CHRND: variants seen among roughly 807,000 people sequenced by gnomAD.
CHRND encodes cholinergic receptor nicotinic delta subunit.
A neutral mutation model predicts 57.8 loss-of-function variants in CHRND; 40 were observed. The observed-to-expected ratio is 0.69, with a 90% confidence interval of 0.54 to 0.90. The LOEUF (loss-of-function observed/expected upper bound fraction) is 0.90, where lower values mean the gene tolerates loss of function less well. CHRND is among the 40% of genes least tolerant of loss of function. The pLI is 0.00. For synonymous variants in CHRND, 237 were observed against 270.6 expected (o/e 0.88, Z 1.22); for missense variants, 634 against 673.9 (o/e 0.94, Z 0.66).
At position 232,531,672 on chromosome 2, in the gene CHRND, G is replaced by T; in HGVS notation, c.1047+16G>T. 1 of 1,598,208 alleles carries T rather than the reference G, an allele frequency of 6.3e-7. No homozygotes were observed. The highest frequency in any genetic ancestry group is 8.6e-7 in the Non-Finnish European group (1 of 1,168,718). On this transcript the variant is annotated intron_variant, in intron 9 of 11. Coordinates refer to ENST00000258385, the MANE Select transcript of CHRND (RefSeq NM_000751.3). ...GGTCAAGAAGGTGAGTACTTGGCCC[G>T]GCGCAAAAGCTCACCACTGTAATCC... is the stretch of plus-strand genomic sequence containing the variant.
chr2:232,534,421 G>A, intron 11 of CHRND, 79 bp downstream of exon 11: 2 of 1,409,312 alleles, frequency 1.4e-6, no homozygotes, highest in Non-Finnish European at 2.0e-6. Context: ...AGAGGGCAGG[G>A]TTCCCCTTAG....
chr2:232,527,767 A>G (rs1691536946), intron 3 of CHRND, among the ~76,000 whole-genome samples: 1 of 152,210 alleles, frequency 6.6e-6, no homozygotes, highest in African/African-American at 2.4e-5. Flanking sequence ...TGCCCCGCCC[A>G]GAGCCGGTGG....
At chr2:232,526,901 C>T (rs1691493276) in intron 2 of CHRND, among the ~76,000 whole-genome samples, 1 of 152,226 alleles carries the variant, frequency 6.6e-6, no homozygotes, top group Non-Finnish European at 1.5e-5. Context: ...CTGTGACACA[C>T]TTCAGAGGCC....
chr2:232,534,154 T>C lies in CHRND; in HGVS notation c.1252+19T>C, dbSNP rs1691808084. ...ACTGCACGTGGGTCCCCGCTGGTCT[T>C]GGTTTTCAGCCCATCTGTGGGAGGT... On this transcript the variant is annotated intron_variant, in intron 10 of 11. Transcript: ENST00000258385. 1 of 1,614,104 alleles carries C rather than the reference T, an allele frequency of 6.2e-7. No individual in the cohort carries two copies. Among genetic ancestry groups the C allele is most frequent in the Non-Finnish European group, 8.5e-7 (1 of 1,180,026 alleles).
In CHRND at chr2:232,531,372, G is replaced by A. The variant is rs1691689717; in HGVS notation, c.841G>A (p.Ala281Thr). 1 of 1,613,692 alleles carries A rather than the reference G, an allele frequency of 6.2e-7. No homozygotes were observed. The highest frequency in any genetic ancestry group is 8.5e-7 in the Non-Finnish European group (1 of 1,179,862). Residue 281 changes from alanine to threonine, a missense_variant, in exon 8 of 12, where the codon GCC becomes ACC. By Grantham distance (58) the Ala-to-Thr change is moderately conservative (BLOSUM62 0). Transcript: ENST00000258385. ...PADSGEKTSV[A>T]ISVLLAQSVF... ...CCCAGGTGGTGAGAAGACATCAGTGGCCATCTCGGTGCTCCTGGCTCAGTC... is the reference window on the plus strand; with the variant it reads ...CCCAGGTGGTGAGAAGACATCAGTGACCATCTCGGTGCTCCTGGCTCAGTC...
intron 11 of CHRND, 128 bp downstream of exon 11, chr2:232,534,470 C>A: frequency 1.0e-6 from 1 of 974,400 alleles, no homozygotes; most frequent in Non-Finnish European, 1.6e-6. Context: ...TAATGTGACA[C>A]AGATTCCAGG....
Position 232,530,030 on chromosome 2 carries a change from C to T in CHRND, c.711C>T (p.Thr237=), listed in dbSNP as rs752356816. ...ACAGCCCCAGCCGCCAGGACATCAC[C>T]TTCTACCTCATCATCCGCCGCAAGC... is the stretch of plus-strand genomic sequence containing the variant. ...PLDSPSRQDI[T]FYLIIRRKPL... is the part of the protein sequence containing the mutation. Residue 237 remains threonine (T), a synonymous_variant, in exon 7 of 12, where the codon ACC becomes ACT. Transcript: ENST00000258385. The T allele has an allele frequency of 2.7e-5, 43 of 1,614,152 alleles. No individual in the cohort carries two copies. In the African/African-American group the frequency reaches 5.3e-4, roughly 20 times the overall value.
chr2:232,533,810 G>A (rs1380754628), intron 9 of CHRND, 121 bp from the exon 10 acceptor site: 5 of 977,930 alleles, frequency 5.1e-6, no homozygotes, highest in Admixed American at 3.4e-5. Flanking sequence ...CCGAGAGGTG[G>A]AGGTTGCAGT....
rs753490642 is a variant in CHRND at position 232,528,987 on chromosome 2, G to T, written c.619+16G>T. The T allele has an allele frequency of 6.3e-6, 10 of 1,596,254 alleles. No individual in the cohort carries two copies. In the Admixed American group the frequency reaches 1.7e-4, roughly 27 times the overall value. The stretch of plus-strand genomic sequence containing the variant: ...GGCTTCACAGGTGCTGGGAACAGCC[G>T]CCAGTGGGTGGGCAGGTCCCTCAGA... On this transcript the variant is annotated intron_variant, in intron 6 of 11. Coordinates refer to ENST00000258385, the MANE Select transcript of CHRND (RefSeq NM_000751.3).
chr2:232,528,364 G>C lies in CHRND; in HGVS notation c.346G>C (p.Glu116Gln). 6.2e-7 allele frequency: 1 copy of C among 1,614,060 alleles called. No homozygotes were observed. The highest frequency in any genetic ancestry group is 8.5e-7 in the Non-Finnish European group (1 of 1,180,002). Residue 116 changes from glutamate to glutamine, a missense_variant, in exon 4 of 12, where the codon GAG becomes CAG. Coordinates refer to ENST00000258385, the MANE Select transcript of CHRND (RefSeq NM_000751.3). ...DMVWLPEIVL[E>Q]NNNDGSFQIS... Reference sequence around the variant, plus strand: ...GGTGTGGCTCCCAGAGATTGTGCTGGAGAACAAGTTGAGCCAAGCCCTCCC... The same window carrying C: ...GGTGTGGCTCCCAGAGATTGTGCTGCAGAACAAGTTGAGCCAAGCCCTCCC...
chr2:232,531,081 AAC>A (rs1691673167), intron 7 of CHRND, among the ~76,000 whole-genome samples: 1 of 152,160 alleles, frequency 6.6e-6, no homozygotes. Flanking sequence ...ATGCGTGTTA[AAC>A]ACACTCTGTC....
In CHRND at chr2:232,536,285, C is replaced by A; in HGVS notation, c.*973C>A. On this transcript the variant is annotated 3_prime_UTR_variant, in exon 12 of 12. Coordinates refer to ENST00000258385, the MANE Select transcript of CHRND (RefSeq NM_000751.3). ...TCTGTACCAGGGTGGGTCTGGGTAA[C>A]CAATAGAATGAGGCAGAAGTGATGG... 1 of 454,114 alleles carries A rather than the reference C, an allele frequency of 2.2e-6. No individual in the cohort carries two copies. 28.1% of individuals were successfully genotyped at this position (454,114 alleles called of 1,614,324 possible). A position where few individuals can be genotyped will look rare whatever the true frequency, so the allele number is the denominator to read the frequency against.
Position 232,535,263 on chromosome 2 carries a change from T to G in CHRND, c.1505T>G (p.Phe502Cys). Residue 502 changes from phenylalanine (F) to cysteine (C), a missense_variant, in exon 12 of 12, where the codon TTT becomes TGT. By Grantham distance (205) the Phe-to-Cys change is radical. Transcript: ENST00000258385. ...GVYNQPPPQP[F>C]PGDPYSYNVQ... Reference sequence around the variant, plus strand: ...TACAACCAGCCACCACCCCAGCCTTTTCCTGGGGACCCCTACTCCTACAAC... The same window carrying G: ...TACAACCAGCCACCACCCCAGCCTTGTCCTGGGGACCCCTACTCCTACAAC... 6.2e-7 allele frequency: 1 copy of G among 1,614,144 alleles called. No individual in the cohort carries two copies. Among genetic ancestry groups the G allele is most frequent in the East Asian group, 2.2e-5 (1 of 44,888 alleles).
chr2:232,529,803 C>A lies in CHRND; in HGVS notation c.620-136C>A, dbSNP rs1053010994. 17 of 830,554 alleles carry A rather than the reference C, an allele frequency of 2.0e-5. No individual in the cohort carries two copies. In the African/African-American group the frequency reaches 2.9e-4, roughly 14 times the overall value. 51.4% of individuals were successfully genotyped at this position (830,554 alleles called of 1,614,324 possible). A position where few individuals can be genotyped will look rare whatever the true frequency, so the allele number is the denominator to read the frequency against. ...TCCCGACCCCCCAGGGAACGACACC[C>A]ACCAACGGGACCCCGTAGACAGCCC... On this transcript the variant is annotated intron_variant, in intron 6 of 11. Coordinates refer to ENST00000258385, the MANE Select transcript of CHRND (RefSeq NM_000751.3).
intron 11 of CHRND, 57 bp from the exon 12 acceptor site, chr2:232,535,073 G>C: frequency 6.3e-7 from 1 of 1,598,020 alleles, no homozygotes. Flanking sequence ...CAGCTTGGGG[G>C]TGGGGCTTTG....
At position 232,528,844 on chromosome 2, in the gene CHRND, G is replaced by A. The variant is rs1044696063; in HGVS notation, c.510-18G>A. ...AGCCACTGGCCGAGTGTCACTCTCT[G>A]CCCATTGCCCTCCCCAGTTCCCTCA... is the stretch of plus-strand genomic sequence containing the variant. On this transcript the variant is annotated intron_variant, in intron 5 of 11. Coordinates refer to ENST00000258385, the MANE Select transcript of CHRND (RefSeq NM_000751.3). 1 of 1,606,272 alleles carries A rather than the reference G, an allele frequency of 6.2e-7. No individual in the cohort carries two copies. The highest frequency in any genetic ancestry group is 8.5e-7 in the Non-Finnish European group (1 of 1,173,060).
In CHRND at chr2:232,531,002, G is replaced by A. The variant is rs548007102; in HGVS notation, c.821-350G>A. Among the ~76,000 whole-genome samples, 41 of 152,310 alleles carry A rather than the reference G, an allele frequency of 2.7e-4. No individual in the cohort carries two copies. The South Asian group carries it at 6.4e-3, about 24-fold the overall frequency. ...ACGCACGCAGGTCTGTGCTCCAGGA[G>A]GGTTCAGTGGCGTGGGTGGGTTGTG... On this transcript the variant is annotated intron_variant, in intron 7 of 11. Transcript: ENST00000258385.
Position 232,528,277 on chromosome 2 carries a change from C to A in CHRND, c.259C>A (p.Arg87=). The change falls in exon 4 of 12, where the codon CGG becomes AGG. Residue 87 remains arginine, a synonymous_variant. Coordinates refer to ENST00000258385, the MANE Select transcript of CHRND (RefSeq NM_000751.3). ...GGGATTCCAGGGCTGGACAGACAAC[C>A]GGCTGAAGTGGAATGCTGAAGAATT... The part of the protein sequence containing the change: ...VWIEHGWTDN[R]LKWNAEEFGN... 6.2e-7 allele frequency: 1 copy of A among 1,614,164 alleles called. No individual in the cohort carries two copies. Among genetic ancestry groups the A allele is most frequent in the Non-Finnish European group, 8.5e-7 (1 of 1,180,032 alleles).
intron 2 of CHRND, 73 bp from the exon 3 acceptor site, chr2:232,527,328 G>GAGAGAGAT: frequency 7.7e-7 from 1 of 1,305,074 alleles, no homozygotes. Context: ...GAGAGAGAGA[G>GAGAGAGAT]AGAGAGTGGG....
Sources: allele counts gnomAD v4.1 joint callset (sites outside exome capture counted in the v4.1 genomes callset), GRCh38; gene constraint gnomAD v4.1.1; transcripts MANE v1.5; gene names NCBI Gene and HGNC (gene_info 2026-07-23, HGNC 2026-07-21).